The following UNC13A variants were observed in gnomAD, a reference collection of about 807,000 sequenced individuals.
UNC13A encodes the protein unc-13 homolog A.
In UNC13A, 61 loss-of-function variants were observed where a neutral mutation model predicts 219.7. The ratio of observed to expected loss-of-function variants is 0.28; its 90% CI spans 0.23 to 0.34. The LOEUF (loss-of-function observed/expected upper bound fraction) is 0.34, where lower values mean the gene tolerates loss of function less well. Among genes scored for constraint, UNC13A ranks in the 10% least tolerant of loss-of-function variants. UNC13A has a pLI of 1.00. For synonymous variants in UNC13A, 920 were observed against 884.6 expected, an observed-to-expected ratio of 1.04 and a Z score of -0.71; for missense variants, 1,476 against 2,270.3, an observed-to-expected ratio of 0.65 and a Z score of 7.11.
At chr19:17,650,604 A>G (rs562787206) in intron 12 of UNC13A, among the ~76,000 whole-genome samples, 8 of 152,182 alleles carry the variant, frequency 5.3e-5, no homozygotes, top group East Asian at 1.9e-4. Flanking sequence ...CAGCTCCCCA[A>G]GTAGCTGGGA....
chr19:17,673,982 G>A (rs918523630), intron 3 of UNC13A, among the ~76,000 whole-genome samples: 1 of 152,278 alleles, frequency 6.6e-6, no homozygotes, highest in Non-Finnish European at 1.5e-5. Context: ...CTGTACTCCA[G>A]CCTGGGCAAC....
intron 2 of UNC13A, 51 bp downstream of exon 2, chr19:17,675,961 C>G (rs2079890282): frequency 1.5e-6 from 2 of 1,293,956 alleles, no homozygotes; most frequent in Non-Finnish European, 2.1e-6. Context: ...CTCCAAGAGA[C>G]AGACAGACAG....
In UNC13A at chr19:17,669,799, C is replaced by CT. The variant is rs1404366785; in HGVS notation, c.271-124dup. 1.4e-4 allele frequency: 154 copies of CT among 1,123,908 alleles called. 1 individual carries two copies. The African/African-American group carries it at 2.1e-3, about 15-fold the overall frequency. The allele number at this position is 1,123,908 out of a possible 1,614,324, so 69.6% of individuals were successfully genotyped here. The stretch of plus-strand genomic sequence containing the variant: ...CCAAAACCAAAGTCATGTCCCCTCT[C>CT]TATCTTTCCTTCCGTCCTTCCTTCC... On this transcript the variant is annotated intron_variant, in intron 4 of 43. Coordinates refer to ENST00000519716, the MANE Select transcript of UNC13A (RefSeq NM_001080421.3).
chr19:17,656,086 C>A lies in UNC13A; in HGVS notation c.1080G>T (p.Gln360His). ...GCTCAGCCACAGCTACGTCTTCACGCTGGGCATAGCTGCCCAAATCGTCAG... is the reference window on the plus strand; with the variant it reads ...GCTCAGCCACAGCTACGTCTTCACGATGGGCATAGCTGCCCAAATCGTCAG... ...EVPDDLGSYA[Q>H]REDVAVAEPK... Residue 360 changes from glutamine to histidine, a missense_variant, in exon 10 of 44, where the codon CAG becomes CAT. Gln to His is a conservative substitution (Grantham distance 24, BLOSUM62 0). This residue lies in a region of UNC13A where 351 missense variants were observed against 342.6 expected (regional missense o/e 1.02). Coordinates refer to ENST00000519716, the MANE Select transcript of UNC13A (RefSeq NM_001080421.3). 1 of 1,553,204 alleles carries A rather than the reference C, an allele frequency of 6.4e-7. No individual in the cohort carries two copies. The highest frequency in any genetic ancestry group is 8.7e-7 in the Non-Finnish European group (1 of 1,147,684).
Position 17,642,830 on chromosome 19 carries a change from A to G in UNC13A, c.2472+15T>C. On this transcript the variant is annotated intron_variant, in intron 20 of 43. Coordinates refer to ENST00000519716, the MANE Select transcript of UNC13A (RefSeq NM_001080421.3). ...AGTGGAAGTGGCATGGGAGGGGCCG[A>G]GCAATGACCCTCACCTCATGCAGAC... The G allele has an allele frequency of 6.3e-7, 1 of 1,593,632 alleles. No individual in the cohort carries two copies. The highest frequency in any genetic ancestry group is 1.3e-5 in the African/African-American group (1 of 74,726).
rs544793283 is a variant in UNC13A at position 17,624,976 on chromosome 19, G to A, written c.4074-24C>T. 3.1e-5 allele frequency: 50 copies of A among 1,607,368 alleles called. 1 individual carries two copies. The Admixed American group carries it at 4.9e-4, about 16-fold the overall frequency. On this transcript the variant is annotated intron_variant, in intron 34 of 43. Coordinates refer to ENST00000519716, the MANE Select transcript of UNC13A (RefSeq NM_001080421.3). ...GGCTGGGGACGAGGGGCAGGTCTGAGAGAGGGCCCAGCTCGCCCCCACCCA... is the reference window on the plus strand; with the variant it reads ...GGCTGGGGACGAGGGGCAGGTCTGAAAGAGGGCCCAGCTCGCCCCCACCCA...
At chr19:17,651,277 G>T (rs1389975370) in intron 12 of UNC13A, among the ~76,000 whole-genome samples, 2 of 151,012 alleles carry the variant, frequency 1.3e-5, no homozygotes, top group Non-Finnish European at 2.9e-5. Flanking sequence ...TTGTAGAGAT[G>T]GGGGTCTCGC....
intron 8 of UNC13A, among the ~76,000 whole-genome samples, chr19:17,662,665 A>G (rs1270176201): frequency 6.6e-6 from 1 of 152,160 alleles, no homozygotes; most frequent in Admixed American, 6.5e-5. Flanking sequence ...TCATGCCTGT[A>G]ATCCCAGCAC....
chr19:17,647,747 G>C (rs1179708259), intron 16 of UNC13A, among the ~76,000 whole-genome samples: 1 of 150,692 alleles, frequency 6.6e-6, no homozygotes, highest in African/African-American at 2.4e-5. Context: ...GTCCCCACTG[G>C]TTTTTGGAGC....
intron 41 of UNC13A, among the ~76,000 whole-genome samples, chr19:17,616,144 G>A (rs2076659963): frequency 6.6e-6 from 1 of 152,162 alleles, no homozygotes; most frequent in Non-Finnish European, 1.5e-5. Flanking sequence ...TGCCTGTCCC[G>A]GGGTCCCAGG....
At chr19:17,662,868 T>C (rs1354450836) in intron 8 of UNC13A, among the ~76,000 whole-genome samples, 3 of 142,824 alleles carry the variant, frequency 2.1e-5, no homozygotes, top group Non-Finnish European at 3.0e-5. Context: ...TGCGGTGAGC[T>C]GAGATCGTGC....
In UNC13A at chr19:17,619,799, C is replaced by T. The variant is rs190539688; in HGVS notation, c.4273-837G>A. Among the ~76,000 whole-genome samples the T allele has an allele frequency of 2.0e-4, 30 of 152,290 alleles. No individual in the cohort carries two copies. The East Asian group carries it at 4.4e-3, about 23-fold the overall frequency. ...CCTCCATATCCGTCCTCCACCCCAC[C>T]CCCAAACAGACACTAGCAAGATGGT... On this transcript the variant is annotated intron_variant, in intron 38 of 43. Coordinates refer to ENST00000519716, the MANE Select transcript of UNC13A (RefSeq NM_001080421.3).
Position 17,649,621 on chromosome 19 carries a change from T to G in UNC13A, c.1440-34A>C. 1 of 1,612,126 alleles carries G rather than the reference T, an allele frequency of 6.2e-7. No homozygotes were observed. The highest frequency in any genetic ancestry group is 8.5e-7 in the Non-Finnish European group (1 of 1,178,352). On this transcript the variant is annotated intron_variant, in intron 12 of 43. Transcript: ENST00000519716. This position sits in a 1 kb window ranked among gnomAD's most constrained non-coding sequence, Gnocchi z 4.4. ...CACAGAGGGACACTGAGGGCCCAGA[T>G]GTCCCTATTCCTCACATAGAGCCCT...
intron 11 of UNC13A, among the ~76,000 whole-genome samples, chr19:17,652,944 T>C (rs917705708): frequency 2.6e-5 from 4 of 152,182 alleles, no homozygotes; most frequent in Admixed American, 1.3e-4. Context: ...AAACCCCCTA[T>C]AGTCTCACTT....
intron 33 of UNC13A, 99 bp from the exon 34 acceptor site, chr19:17,626,884 G>C: frequency 6.9e-7 from 1 of 1,447,528 alleles, no homozygotes; most frequent in Non-Finnish European, 9.2e-7. Flanking sequence ...TTGCATCACA[G>C]CACATAACCG....
Position 17,674,815 on chromosome 19 carries a change from C to G in UNC13A, c.53-59G>C. On this transcript the variant is annotated intron_variant, in intron 2 of 43. Coordinates refer to ENST00000519716, the MANE Select transcript of UNC13A (RefSeq NM_001080421.3). The surrounding 1 kb of genome is among the most constrained non-coding windows in gnomAD (Gnocchi z 5.0). ...CTCAGGGACTCTCCAATGCCCCTTC[C>G]CAAGCTCTAGACCATCTGCTGTGAT... 1 of 1,431,930 alleles carries G rather than the reference C, an allele frequency of 7.0e-7. No individual in the cohort carries two copies. Among genetic ancestry groups the G allele is most frequent in the Non-Finnish European group, 9.8e-7 (1 of 1,016,168 alleles). 88.7% of individuals were successfully genotyped at this position (1,431,930 alleles called of 1,614,324 possible).
At chr19:17,637,333 T>C (rs2076922649) in intron 25 of UNC13A, among the ~76,000 whole-genome samples, 1 of 150,790 alleles carries the variant, frequency 6.6e-6, no homozygotes, top group Non-Finnish European at 1.5e-5. Flanking sequence ...AGTCTCGCTC[T>C]GTCACCCAGG....
chr19:17,669,804 TTTCCTTCCGTCCTTCCTTCCTTCCC>T, intron 4 of UNC13A, 128 bp from the exon 5 acceptor site: 2 of 1,100,730 alleles, frequency 1.8e-6, no homozygotes, highest in South Asian at 4.0e-5. Context: ...CCTCTCTATC[TTTCCTTCCGTCCTTCCTTCCTTCCC>T]TTCCTTCCTT....
chr19:17,656,403 G>A lies in UNC13A; in HGVS notation c.768-5C>T. On this transcript the variant is annotated splice_polypyrimidine_tract_variant and splice_region_variant and intron_variant, in intron 9 of 43. Coordinates refer to ENST00000519716, the MANE Select transcript of UNC13A (RefSeq NM_001080421.3). ...TAGCGGCTGCTACCCGTGGGGCTGT[G>A]GGGATGGAACAGGGTTCAGGGACTG... The A allele has an allele frequency of 1.3e-6, 2 of 1,514,824 alleles. No homozygotes were observed. The highest frequency in any genetic ancestry group is 1.8e-6 in the Non-Finnish European group (2 of 1,133,756). The allele number at this position is 1,514,824 out of a possible 1,614,324, so 93.8% of individuals were successfully genotyped here.
Sources: allele counts gnomAD v4.1 joint callset (sites outside exome capture counted in the v4.1 genomes callset), GRCh38; gene constraint gnomAD v4.1.1; regional missense constraint gnomAD v4.1.1; non-coding constraint Gnocchi (gnomAD v3.1); transcripts MANE v1.5; gene names NCBI Gene and HGNC (gene_info 2026-07-23, HGNC 2026-07-21).